LAD1: variants seen among roughly 807,000 people sequenced by gnomAD.
The protein encoded by LAD1 is ladinin 1, also known as ladinin-1.
Under a neutral mutation model 54.2 loss-of-function variants are expected in LAD1, and 53 were observed. The ratio of observed to expected loss-of-function variants is 0.98; its 90% CI spans 0.78 to 1.23. LAD1 has a LOEUF of 1.23. LAD1 is among the 50% of genes most tolerant of loss of function. LAD1 has a pLI of 0.00. For missense variants in LAD1, 637 were observed against 653.3 expected (o/e 0.98, Z 0.27); for synonymous variants, 231 against 257.7 (o/e 0.90, Z 0.99).
rs1034533614 is a variant in LAD1, at chr1:201,380,987, G to C, written c.*901C>G. The C allele has an allele frequency of 3.3e-5, 5 of 152,142 alleles. No individual in the cohort carries two copies. Among genetic ancestry groups the C allele is most frequent in the Admixed American group, 2.6e-4 (4 of 15,276 alleles). The allele number at this position is 152,142 out of a possible 1,614,324, so 9.4% of individuals were successfully genotyped here. ...ATAGGAGCCATGAGGTCCAGAGCAT[G>C]GGGGTGGGGGTTGGAGGGGGCTTGT... On this transcript the variant is annotated 3_prime_UTR_variant, in exon 10 of 10. Transcript: ENST00000391967.
At chr1:201,384,668 A>G (rs1662038251) in intron 5 of LAD1, 124 bp downstream of exon 5, 2 of 925,246 alleles carry the variant, frequency 2.2e-6, no homozygotes, top group Non-Finnish European at 3.6e-6. Flanking sequence ...GCCCTGGGCA[A>G]GGACTGCACC....
In LAD1 at chr1:201,391,660, G is replaced by A. The variant is rs190110914; in HGVS notation, c.39-2357C>T. ...TCAGTGTGAGAGAACAGATGCTATAGGCCAAGATTATCAGAAAAGGCTCAT... is the reference window on the plus strand; with the variant it reads ...TCAGTGTGAGAGAACAGATGCTATAAGCCAAGATTATCAGAAAAGGCTCAT... On this transcript the variant is annotated intron_variant, in intron 1 of 9. Transcript: ENST00000391967. Among the ~76,000 whole-genome samples the A allele has an allele frequency of 5.3e-4, 81 of 152,328 alleles. 1 individual carries two copies. Among genetic ancestry groups the A allele is most frequent in the African/African-American group, 1.8e-3 (75 of 41,576 alleles).
At chr1:201,389,058 C>G in intron 2 of LAD1, 102 bp downstream of exon 2, 1 of 1,380,230 alleles carries the variant, frequency 7.2e-7, no homozygotes, top group Non-Finnish European at 1.0e-6. Flanking sequence ...CCTTCAGCCT[C>G]ATTTCCTGGG....
intron 9 of LAD1, 103 bp downstream of exon 9, chr1:201,382,149 G>A (rs545676515): frequency 1.9e-6 from 2 of 1,032,908 alleles, no homozygotes; most frequent in South Asian, 2.7e-5. Context: ...TGGGTGGACT[G>A]CGCGATTGCA....
In LAD1 at chr1:201,383,198, A is replaced by C; in HGVS notation, c.1262T>G (p.Val421Gly). The C allele has an allele frequency of 6.2e-7, 1 of 1,613,878 alleles. No homozygotes were observed. Among genetic ancestry groups the C allele is most frequent in the Non-Finnish European group, 8.5e-7 (1 of 1,179,846 alleles). ...AGTGCAAGGCAGACCCCGAGACTTG[A>C]CAGATTCTGATCTCTGGGAACCAAG... ...YHTAIRRSES[V>G]KSRGLPCTEL... The change falls in exon 7 of 10, where the codon GTC becomes GGC. Residue 421 changes from valine to glycine, a missense_variant. Transcript: ENST00000391967.
chr1:201,389,390 C>A, intron 1 of LAD1, 87 bp from the exon 2 acceptor site: 2 of 1,482,830 alleles, frequency 1.3e-6, no homozygotes, highest in South Asian at 1.3e-5. Context: ...GAGAAGAGAC[C>A]AAATGCCCTC....
Position 201,397,563 on chromosome 1 carries a change from C to T in LAD1, c.38+1706G>A, listed in dbSNP as rs79753064. On this transcript the variant is annotated intron_variant, in intron 1 of 9. Coordinates refer to ENST00000391967, the MANE Select transcript of LAD1 (RefSeq NM_005558.4). Reference sequence around the variant, plus strand: ...CAGCTGCCTCCCCACACACACACACCCCCCCATGCATATCCAGGCATGCTT... The same window carrying T: ...CAGCTGCCTCCCCACACACACACACTCCCCCATGCATATCCAGGCATGCTT... 3.5e-3 allele frequency among the ~76,000 whole-genome samples: 520 copies of T among 150,562 alleles called. 2 individuals are homozygous for T. Among genetic ancestry groups the T allele is most frequent in the Middle Eastern group, 0.021 (6 of 288 alleles).
At position 201,394,351 on chromosome 1, in the gene LAD1, G is replaced by A. The variant is rs535962546; in HGVS notation, c.38+4918C>T. Among the ~76,000 whole-genome samples, 20 of 152,324 alleles carry A rather than the reference G, an allele frequency of 1.3e-4. 1 individual carries two copies. Among genetic ancestry groups the A allele is most frequent in the African/African-American group, 4.3e-4 (18 of 41,584 alleles). On this transcript the variant is annotated intron_variant, in intron 1 of 9. Coordinates refer to ENST00000391967, the MANE Select transcript of LAD1 (RefSeq NM_005558.4). ...CCATCACCCCAAGGGGAAAGGAAGT[G>A]CCTTTGGAGGAGAACCTTCCAGACC...
chr1:201,395,129 A>G (rs1236282824), intron 1 of LAD1, among the ~76,000 whole-genome samples: 2 of 152,168 alleles, frequency 1.3e-5, no homozygotes, highest in Non-Finnish European at 2.9e-5. Flanking sequence ...CTTGGGAATC[A>G]TGGGGCTGCC....
intron 1 of LAD1, among the ~76,000 whole-genome samples, chr1:201,395,361 C>T (rs916867154): frequency 1.3e-5 from 2 of 152,174 alleles, no homozygotes; most frequent in African/African-American, 2.4e-5. Context: ...ACTTCTTGAA[C>T]ATGGTGAATA....
chr1:201,385,878 GCTCA>G, intron 3 of LAD1, 73 bp from the exon 4 acceptor site: 1 of 1,062,110 alleles, frequency 9.4e-7, no homozygotes, highest in Non-Finnish European at 1.5e-6. Flanking sequence ...AAACCCCATG[GCTCA>G]CCCCAGGAGC....
At chr1:201,385,027 A>G (rs192968423) in intron 4 of LAD1, among the ~76,000 whole-genome samples, 192 bp from the exon 5 acceptor site, 2 of 152,338 alleles carry the variant, frequency 1.3e-5, no homozygotes, top group East Asian at 3.9e-4. Flanking sequence ...TATCTGGAAG[A>G]CACAGGTTCC....
At chr1:201,399,178 C>A (rs1662359829) in intron 1 of LAD1, 91 bp downstream of exon 1, 3 of 1,069,904 alleles carry the variant, frequency 2.8e-6, no homozygotes, top group South Asian at 1.3e-5. Context: ...TGTCAGGGTC[C>A]CAGGCGGGGA....
In LAD1 at chr1:201,399,279, C is replaced by T. The variant is rs999768591; in HGVS notation, c.28G>A (p.Ala10Thr). Residue 10 changes from alanine to threonine, a missense_variant, in exon 1 of 10, where the codon GCG becomes ACG. Transcript: ENST00000391967. The part of the protein sequence containing the change: MAVSRKDWS[A>T]LSSLARQRTL... Reference sequence around the variant, plus strand: ...CCCTCCGGCGCTCACCTGGACAGCGCGGACCAGTCCTTCCTGCTGACAGCC... The same window carrying T: ...CCCTCCGGCGCTCACCTGGACAGCGTGGACCAGTCCTTCCTGCTGACAGCC... 5.2e-6 allele frequency: 8 copies of T among 1,549,756 alleles called. No homozygotes were observed. The African/African-American group carries it at 5.4e-5, about 11-fold the overall frequency.
At chr1:201,395,293 C>T (rs947039075) in intron 1 of LAD1, among the ~76,000 whole-genome samples, 1 of 152,308 alleles carries the variant, frequency 6.6e-6, no homozygotes, top group Admixed American at 6.5e-5. Flanking sequence ...TCAGTGGGTA[C>T]AGCTGTTGAA....
chr1:201,386,476 C>T lies in LAD1; in HGVS notation c.885G>A (p.Pro295=), dbSNP rs150151484. ...TGGCTGGGCTTCCCCCAGAGGCTGG[C>T]GGCTCCTGCGCCAGGGGCTGCTCTG... ...TASEQPLAQE[P]PASGGSPATT... Residue 295 remains proline, a synonymous_variant, in exon 3 of 10, where the codon CCG becomes CCA. Coordinates refer to ENST00000391967, the MANE Select transcript of LAD1 (RefSeq NM_005558.4). 308 of 1,550,000 alleles carry T rather than the reference C, an allele frequency of 2.0e-4. 2 individuals carry two copies. The African/African-American group carries it at 3.2e-3, about 16-fold the overall frequency.
chr1:201,394,136 G>A (rs146834401), intron 1 of LAD1, among the ~76,000 whole-genome samples: 4 of 152,246 alleles, frequency 2.6e-5, no homozygotes, highest in East Asian at 1.9e-4. Flanking sequence ...TACGGTGCCC[G>A]GCACCCAGCA....
chr1:201,391,684 A>G (rs1662198252), intron 1 of LAD1, among the ~76,000 whole-genome samples: 1 of 152,242 alleles, frequency 6.6e-6, no homozygotes, highest in Non-Finnish European at 1.5e-5. Context: ...GAAAAGGCTC[A>G]TGGAAGAGAT....
intron 5 of LAD1, chr1:201,383,660 G>A (rs949491708): frequency 4.1e-6 from 2 of 485,154 alleles, no homozygotes; most frequent in Non-Finnish European, 7.6e-6. Flanking sequence ...ACCTCCCAAA[G>A]CAGGTCCTTC....
Sources: allele counts gnomAD v4.1 joint callset (sites outside exome capture counted in the v4.1 genomes callset), GRCh38; gene constraint gnomAD v4.1.1; transcripts MANE v1.5; gene names NCBI Gene and HGNC (gene_info 2026-07-23, HGNC 2026-07-21).